Variants in PRMT9 observed in about 807,000 individuals in gnomAD.
The protein encoded by PRMT9 is protein arginine methyltransferase 9, also known as protein arginine N-methyltransferase 9.
In PRMT9, 59 loss-of-function variants were observed where a neutral mutation model predicts 83.2. That is an observed-to-expected ratio of 0.71 (90% CI 0.57 to 0.88). The LOEUF is 0.88. Among genes scored for constraint, PRMT9 ranks in the 40% least tolerant of loss-of-function variants. PRMT9 has a pLI of 0.00. For missense variants in PRMT9, 947 were observed against 1,021.9 expected (o/e 0.93, Z 1.00); for synonymous variants, 333 against 353.2 (o/e 0.94, Z 0.64).
In PRMT9 at chr4:147,670,727, T is replaced by A. The variant is rs1265871195; in HGVS notation, c.760A>T (p.Thr254Ser). Residue 254 changes from threonine (T) to serine (S), a missense_variant, in exon 5 of 12, where the codon ACA (threonine) becomes TCA (serine). Physicochemically the swap from Thr to Ser is moderately conservative, Grantham distance 58. Transcript: ENST00000322396. The stretch of plus-strand genomic sequence containing the variant: ...AATAAACCTGCATCGACAGTTTCTG[T>A]TACAACTAGGGACACTCTATAGAAT... Reference protein sequence around the residue: ...HIPERVSLVVTETVDAGLFGE... With the variant: ...HIPERVSLVVSETVDAGLFGE... 1 of 1,609,776 alleles carries A rather than the reference T, an allele frequency of 6.2e-7. No individual in the cohort carries two copies. Among genetic ancestry groups the A allele is most frequent in the Admixed American group, 1.7e-5 (1 of 60,010 alleles).
At chr4:147,658,892 G>A (rs1734722554) in intron 7 of PRMT9, among the ~76,000 whole-genome samples, 1 of 152,018 alleles carries the variant, frequency 6.6e-6, no homozygotes, top group Admixed American at 6.6e-5. Flanking sequence ...GAGGTCAAGA[G>A]TTTGGGGCCG....
Position 147,657,852 on chromosome 4 carries a change from T to C in PRMT9, c.1270A>G (p.Thr424Ala). 1 of 1,611,236 alleles carries C rather than the reference T, an allele frequency of 6.2e-7. No homozygotes were observed. Among genetic ancestry groups the C allele is most frequent in the Non-Finnish European group, 8.5e-7 (1 of 1,179,496 alleles). Residue 424 changes from threonine (T) to alanine (A), a missense_variant, in exon 8 of 12, where the codon ACA becomes GCA. Transcript: ENST00000322396. Reference sequence around the variant, plus strand: ...CAACATGTTTCCTCACTAGGACTTGTGGATAAACTATGTTCATCATCAAGC... The same window carrying C: ...CAACATGTTTCCTCACTAGGACTTGCGGATAAACTATGTTCATCATCAAGC... The part of the protein sequence containing the change: ...LQLDDEHSLS[T>A]SPSEETCWEQ...
rs200715429 is a variant in PRMT9 at position 147,642,879 on chromosome 4, C to G, written c.2107G>C (p.Val703Leu). ...TCCTCTAGGAGTGTCTGTGATTCCA[C>G]AAGCAACCCAAACATCAGCACATAC... ...PQYVLMFGLL[V>L]ESQTLLEENA... Residue 703 changes from valine (V) to leucine (L), a missense_variant, in exon 10 of 12, where the codon GTG (valine) becomes CTG (leucine). Coordinates refer to ENST00000322396, the MANE Select transcript of PRMT9 (RefSeq NM_138364.4). The G allele has an allele frequency of 1.3e-4, 203 of 1,613,946 alleles. No homozygotes were observed. Among genetic ancestry groups the G allele is most frequent in the Non-Finnish European group, 1.6e-4 (194 of 1,179,918 alleles).
intron 9 of PRMT9, among the ~76,000 whole-genome samples, chr4:147,650,824 CG>C (rs1338444728): frequency 6.6e-6 from 1 of 152,064 alleles, no homozygotes; most frequent in African/African-American, 2.4e-5. Context: ...GAGCCCAAGG[CG>C]GGCACGGTGG....
intron 2 of PRMT9, among the ~76,000 whole-genome samples, chr4:147,677,941 T>C (rs979303427): frequency 6.6e-6 from 1 of 152,192 alleles, no homozygotes; most frequent in Non-Finnish European, 1.5e-5. Context: ...TAATGATCCA[T>C]GTTCTTCTTA....
At chr4:147,680,895 TCA>T (rs1373841864) in intron 1 of PRMT9, among the ~76,000 whole-genome samples, 1 of 152,230 alleles carries the variant, frequency 6.6e-6, no homozygotes, top group Non-Finnish European at 1.5e-5. Context: ...CTTCTGAACC[TCA>T]GACTCATAGA....
At chr4:147,656,780 AAAAAAAAAAAAAAAAG>A (rs1338830049) in intron 8 of PRMT9, among the ~76,000 whole-genome samples, 2 of 147,694 alleles carry the variant, frequency 1.4e-5, no homozygotes, top group African/African-American at 4.9e-5. Context: ...TCAAAAAAAA[AAAAAAAAAAAAAAAAG>A]AAAGAAAGAA....
At chr4:147,683,733 C>CT (rs1232857039) in intron 1 of PRMT9, 66 bp downstream of exon 1, 63 of 489,590 alleles carry the variant, frequency 1.3e-4, no homozygotes, top group Admixed American at 2.1e-4. Context: ...TTTTTTTTTT[C>CT]TGTTTTTTTT....
intron 10 of PRMT9, among the ~76,000 whole-genome samples, chr4:147,641,130 TG>T (rs1157036455): frequency 1.3e-5 from 2 of 152,220 alleles, no homozygotes; most frequent in Non-Finnish European, 2.9e-5. Context: ...TGCCTTTGCC[TG>T]GTCTCACCAG....
chr4:147,653,163 T>G (rs1734231060), intron 9 of PRMT9, among the ~76,000 whole-genome samples: 1 of 152,048 alleles, frequency 6.6e-6, no homozygotes, highest in Non-Finnish European at 1.5e-5. Context: ...AGATCTTGGT[T>G]TCAGCCGGGC....
intron 1 of PRMT9, among the ~76,000 whole-genome samples, chr4:147,681,807 G>C (rs1736489305): frequency 6.7e-6 from 1 of 150,258 alleles, no homozygotes; most frequent in Non-Finnish European, 1.5e-5. Context: ...ACCCCGCACA[G>C]ATTATATGAA....
At chr4:147,641,540 C>T (rs1326897553) in intron 10 of PRMT9, among the ~76,000 whole-genome samples, 1 of 152,180 alleles carries the variant, frequency 6.6e-6, no homozygotes, top group Non-Finnish European at 1.5e-5. Context: ...ATGTCCACAG[C>T]ACTTCTCACC....
chr4:147,644,915 A>C (rs763439409), intron 9 of PRMT9, among the ~76,000 whole-genome samples: 7 of 152,196 alleles, frequency 4.6e-5, no homozygotes, highest in Non-Finnish European at 8.8e-5. Context: ...TTTACAATCA[A>C]ATGTCAAATC....
At chr4:147,659,095 C>T (rs531178507) in intron 7 of PRMT9, among the ~76,000 whole-genome samples, 1 of 151,722 alleles carries the variant, frequency 6.6e-6, no homozygotes, top group Non-Finnish European at 1.5e-5. Context: ...AGGAGAATGG[C>T]GTGAACCCGG....
intron 2 of PRMT9, among the ~76,000 whole-genome samples, chr4:147,674,310 A>G (rs1735932147): frequency 6.6e-6 from 1 of 152,182 alleles, no homozygotes; most frequent in Admixed American, 6.5e-5. Context: ...AGTTTATGTC[A>G]GTTGTACTTG....
At position 147,673,777 on chromosome 4, in the gene PRMT9, T is replaced by G. The variant is rs373562511; in HGVS notation, c.436A>C (p.Asn146His). The G allele has an allele frequency of 1.2e-6, 2 of 1,614,144 alleles. No individual in the cohort carries two copies. Among genetic ancestry groups the G allele is most frequent in the East Asian group, 2.2e-5 (1 of 44,888 alleles). Residue 146 changes from asparagine to histidine, a missense_variant, in exon 3 of 12, where the codon AAC becomes CAC. By Grantham distance (68) the Asn-to-His change is moderately conservative (BLOSUM62 1). Coordinates refer to ENST00000322396, the MANE Select transcript of PRMT9 (RefSeq NM_138364.4). ...DAKENFYRVA[N>H]WLVERWHFIM... is the part of the protein sequence containing the mutation. ...AAGTGCCAGCGTTCCACCAACCAGTTTGCAACACGATAAAAATTCTCCTTT... is the reference window on the plus strand; with the variant it reads ...AAGTGCCAGCGTTCCACCAACCAGTGTGCAACACGATAAAAATTCTCCTTT...
At chr4:147,654,871 T>C (rs1201925362) in intron 8 of PRMT9, among the ~76,000 whole-genome samples, 1 of 152,122 alleles carries the variant, frequency 6.6e-6, no homozygotes, top group Non-Finnish European at 1.5e-5. Flanking sequence ...TATCCCCAAA[T>C]TGGGGTGTTG....
intron 6 of PRMT9, among the ~76,000 whole-genome samples, chr4:147,666,487 A>C (rs915902660): frequency 6.6e-6 from 1 of 152,170 alleles, no homozygotes; most frequent in East Asian, 1.9e-4. Context: ...ATGATCTGAA[A>C]TATCACACCT....
At chr4:147,658,073 C>A in intron 7 of PRMT9, 98 bp from the exon 8 acceptor site, 1 of 833,810 alleles carries the variant, frequency 1.2e-6, no homozygotes, top group Non-Finnish European at 2.0e-6. Flanking sequence ...CTTAGTCCTG[C>A]CCAGCTCCCT....
Sources: allele counts gnomAD v4.1 joint callset (sites outside exome capture counted in the v4.1 genomes callset), GRCh38; gene constraint gnomAD v4.1.1; transcripts MANE v1.5; gene names NCBI Gene and HGNC (gene_info 2026-07-23, HGNC 2026-07-21).